The following NCAM1 variants were observed in gnomAD, a reference collection of about 807,000 sequenced individuals.
The protein encoded by NCAM1 is neural cell adhesion molecule 1.
Under a neutral mutation model 109.8 loss-of-function variants are expected in NCAM1, and 14 were observed. The ratio of observed to expected loss-of-function variants is 0.13; its 90% CI spans 0.08 to 0.20. The LOEUF (loss-of-function observed/expected upper bound fraction) is 0.20, where lower values mean the gene tolerates loss of function less well. NCAM1 is among the 10% of genes least tolerant of loss of function. The pLI is 1.00. For missense variants in NCAM1, 774 were observed against 1,109.9 expected, an observed-to-expected ratio of 0.70 and a Z score of 4.30; for synonymous variants, 418 against 442.9, an observed-to-expected ratio of 0.94 and a Z score of 0.70.
At chr11:113,039,962 G>A (rs562107470) in intron 1 of NCAM1, among the ~76,000 whole-genome samples, 11 of 152,136 alleles carry the variant, frequency 7.2e-5, no homozygotes, top group African/African-American at 1.9e-4. Flanking sequence ...CCAACATGGC[G>A]AAACCCCATC....
At chr11:113,211,533 C>G (rs943662462) in intron 7 of NCAM1, among the ~76,000 whole-genome samples, 16 of 152,056 alleles carry the variant, frequency 1.1e-4, no homozygotes, top group African/African-American at 3.9e-4. Context: ...AGTGAATTCT[C>G]ATTACTGTTG....
intron 1 of NCAM1, among the ~76,000 whole-genome samples, chr11:113,192,836 T>G (rs1242559986): frequency 6.6e-6 from 1 of 152,160 alleles, no homozygotes. Flanking sequence ...AAGCGTCAGG[T>G]CCTTTCCAGC....
intron 14 of NCAM1, among the ~76,000 whole-genome samples, chr11:113,244,834 T>C (rs1401355533): frequency 6.6e-6 from 1 of 152,170 alleles, no homozygotes; most frequent in East Asian, 1.9e-4. Context: ...GAAGCACACA[T>C]TCTGTCAGCT....
At chr11:112,979,242 CA>C (rs1177366356) in intron 1 of NCAM1, among the ~76,000 whole-genome samples, 5 of 149,526 alleles carry the variant, frequency 3.3e-5, no homozygotes, top group East Asian at 4.0e-4. Flanking sequence ...AAAAAACAAA[CA>C]AAAAAAACCT....
At chr11:113,050,029 C>T (rs1555081530) in intron 1 of NCAM1, among the ~76,000 whole-genome samples, 2 of 147,512 alleles carry the variant, frequency 1.4e-5, no homozygotes, top group South Asian at 2.2e-4. Flanking sequence ...TTTGTCTCCT[C>T]GTGGCTGGTA....
intron 1 of NCAM1, among the ~76,000 whole-genome samples, chr11:113,143,335 C>T (rs894890676): frequency 1.3e-5 from 2 of 152,306 alleles, no homozygotes; most frequent in South Asian, 2.1e-4. Flanking sequence ...TCCCATCTCA[C>T]ATGAAGGATG....
intron 2 of NCAM1, among the ~76,000 whole-genome samples, chr11:113,203,364 G>A (rs1427305381): frequency 6.6e-6 from 1 of 152,246 alleles, no homozygotes; most frequent in Non-Finnish European, 1.5e-5. Flanking sequence ...CTTGCAAATA[G>A]CGATATTTAT....
intron 1 of NCAM1, among the ~76,000 whole-genome samples, chr11:113,199,829 T>TGAAAAAAAAAAAAAAAAAAAAA (rs60389510): frequency 2.6e-5 from 3 of 115,782 alleles, no homozygotes; most frequent in African/African-American, 1.0e-4. Flanking sequence ...GAAACACCCT[T>TGAAAAAAAAAAAAAAAAAAAAA]AAAAAAAAAA....
intron 1 of NCAM1, among the ~76,000 whole-genome samples, chr11:113,112,153 G>A (rs918161461): frequency 6.6e-6 from 1 of 152,112 alleles, no homozygotes; most frequent in Admixed American, 6.6e-5. Context: ...ATTAGATGTA[G>A]GGCTAAGGCA....
intron 15 of NCAM1, among the ~76,000 whole-genome samples, chr11:113,251,657 A>C (rs1945683542): frequency 6.6e-6 from 1 of 152,148 alleles, no homozygotes; most frequent in African/African-American, 2.4e-5. Flanking sequence ...CTAAAGCGAA[A>C]CTCCAAGGGT....
In NCAM1 at chr11:113,273,122, T is replaced by C. The variant is rs995015952; in HGVS notation, c.2456+1246T>C. 6.6e-6 allele frequency: 3 copies of C among 451,928 alleles called. No individual in the cohort carries two copies. The highest frequency in any genetic ancestry group is 1.3e-5 in the Non-Finnish European group (3 of 223,630). 28.0% of individuals were successfully genotyped at this position (451,928 alleles called of 1,614,324 possible). ...CGCCTGACTCAAACTCTGTACCGGC[T>C]GGCCAGGCCACCCCTTCCAAGGGGC... On this transcript the variant is annotated intron_variant, in intron 19 of 19. Coordinates refer to ENST00000316851, the MANE Select transcript of NCAM1 (RefSeq NM_181351.5). The surrounding 1 kb of genome is among the most constrained non-coding windows in gnomAD (Gnocchi z 6.0).
Position 113,256,014 on chromosome 11 carries a change from C to T in NCAM1, c.1953+13C>T, listed in dbSNP as rs1945824788. The T allele has an allele frequency of 6.3e-7, 1 of 1,589,990 alleles. No homozygotes were observed. ...CAGGTACCGAGCGGTGAGTGGCCTC[C>T]TTCTCAGACTTCACCAGAACCCTGC... On this transcript the variant is annotated intron_variant, in intron 16 of 19. Transcript: ENST00000316851.
At chr11:113,044,084 G>A (rs1469219186) in intron 1 of NCAM1, among the ~76,000 whole-genome samples, 1 of 151,972 alleles carries the variant, frequency 6.6e-6, no homozygotes, top group African/African-American at 2.4e-5. Flanking sequence ...AACTTTGCTG[G>A]GTCAATGAGA....
intron 17 of NCAM1, among the ~76,000 whole-genome samples, chr11:113,262,426 C>A (rs1331982130): frequency 6.6e-6 from 1 of 152,204 alleles, no homozygotes; most frequent in African/African-American, 2.4e-5. Context: ...AGGTAACACT[C>A]TCCTAATCAA....
chr11:113,053,297 C>T lies in NCAM1; in HGVS notation c.52+91633C>T, dbSNP rs371189036. Among the ~76,000 whole-genome samples, 21 of 152,244 alleles carry T rather than the reference C, an allele frequency of 1.4e-4. No individual in the cohort carries two copies. The East Asian group carries it at 3.7e-3, about 27-fold the overall frequency. ...TGTATATGTACCACATTTTCTTTAT[C>T]CAGTTTATCACTGATGGGCATTTGG... On this transcript the variant is annotated intron_variant, in intron 1 of 19. Coordinates refer to ENST00000316851, the MANE Select transcript of NCAM1 (RefSeq NM_181351.5).
At chr11:113,135,896 G>A (rs1254393895) in intron 1 of NCAM1, among the ~76,000 whole-genome samples, 1 of 152,186 alleles carries the variant, frequency 6.6e-6, no homozygotes, top group Non-Finnish European at 1.5e-5. Context: ...CCCAAAATTA[G>A]TATCATTGAT....
intron 1 of NCAM1, among the ~76,000 whole-genome samples, chr11:113,109,790 C>T (rs1167926208): frequency 1.3e-5 from 2 of 152,066 alleles, no homozygotes; most frequent in Non-Finnish European, 2.9e-5. Flanking sequence ...GAATGTGGAT[C>T]TTGAATGTGG....
chr11:113,259,086 C>G (rs1555122780), intron 16 of NCAM1, among the ~76,000 whole-genome samples: 1 of 145,578 alleles, frequency 6.9e-6, no homozygotes, highest in Non-Finnish European at 1.5e-5. Flanking sequence ...GAGTCTCGCT[C>G]TGTCGCCCAG....
chr11:113,196,771 G>A (rs370338931), intron 1 of NCAM1, among the ~76,000 whole-genome samples: 9 of 152,268 alleles, frequency 5.9e-5, no homozygotes, highest in Middle Eastern at 3.4e-3. Flanking sequence ...GACCACATTC[G>A]TTTCCTATTC....
Sources: gnomAD v4.1 joint callset for allele counts (sites outside exome capture counted in the v4.1 genomes callset) on GRCh38, gnomAD v4.1.1 for gene constraint, Gnocchi (gnomAD v3.1) non-coding constraint, MANE v1.5 for transcripts, NCBI Gene and HGNC (gene_info 2026-07-23, HGNC 2026-07-21) for gene names.